Variants in SPC25 observed in about 807,000 individuals in gnomAD.
The protein encoded by SPC25 is SPC25 component of NDC80 kinetochore complex, also known as kinetochore protein Spc25.
SPC25 carries 22 observed loss-of-function variants against 29.6 expected under a neutral mutation model. The ratio of observed to expected loss-of-function variants is 0.74; its 90% CI spans 0.53 to 1.06. SPC25 has a LOEUF of 1.06. SPC25 is among the 50% of genes least tolerant of loss of function. The probability of loss-of-function intolerance (pLI) is 0.00; values close to 1 mark genes in which losing one functional copy is unlikely to be tolerated. For synonymous variants in SPC25, 91 were observed against 90.4 expected (o/e 1.01, Z -0.04); for missense variants, 230 against 255.8 (o/e 0.90, Z 0.69).
chr2:168,873,436 T>C (rs752273505), intron 6 of SPC25, 149 bp downstream of exon 6: 2 of 552,480 alleles, frequency 3.6e-6, no homozygotes, highest in Non-Finnish European at 6.5e-6. Flanking sequence ...TTCACTTCCT[T>C]TAGAAGACTA....
chr2:168,863,035 C>T (rs1689568304), intron 4 of SPC25, among the ~76,000 whole-genome samples: 1 of 151,904 alleles, frequency 6.6e-6, no homozygotes, highest in African/African-American at 2.4e-5. Flanking sequence ...AAAAGACAGA[C>T]ATACTTCCCA....
intron 1 of SPC25, among the ~76,000 whole-genome samples, chr2:168,890,049 T>C (rs1204745900): frequency 1.3e-5 from 2 of 152,146 alleles, no homozygotes; most frequent in African/African-American, 4.8e-5. Context: ...CAGTATCCTC[T>C]GTAAAAGGAG....
chr2:168,887,421 C>CAAAAAAAAAAAAAAAAAAAAAAAAAAA (rs5836211), intron 3 of SPC25, among the ~76,000 whole-genome samples: 15 of 131,410 alleles, frequency 1.1e-4, no homozygotes, highest in African/African-American at 4.3e-4. Flanking sequence ...GACTCCATCT[C>CAAAAAAAAAAAAAAAAAAAAAAAAAAA]AAAAAAAAAA....
At position 168,871,428 on chromosome 2, in the gene SPC25, A is replaced by G. The variant is rs1689981383; in HGVS notation, c.*3T>C. The G allele has an allele frequency of 6.3e-7, 1 of 1,594,972 alleles. No individual in the cohort carries two copies. Among genetic ancestry groups the G allele is most frequent in the Non-Finnish European group, 8.5e-7 (1 of 1,174,304 alleles). ...AACCGTTTTTATATACACTATTTGT[A>G]TGTTAATTATAAACCGTGGCAGTAA... On this transcript the variant is annotated 3_prime_UTR_variant, in exon 7 of 7. Coordinates refer to ENST00000282074, the MANE Select transcript of SPC25 (RefSeq NM_020675.4).
downstream of SPC25, among the ~76,000 whole-genome samples, chr2:168,866,358 C>G (rs970087091): frequency 9.2e-5 from 14 of 152,344 alleles, no homozygotes; most frequent in East Asian, 1.9e-4. Flanking sequence ...ACAAACCTGA[C>G]AAAAACAAGC....
At chr2:168,873,170 A>G (rs2105823198) in intron 6 of SPC25, among the ~76,000 whole-genome samples, 1 of 152,342 alleles carries the variant, frequency 6.6e-6, no homozygotes, top group Admixed American at 6.5e-5. Context: ...TTTTGGGAAA[A>G]TAAATTGTTA....
At chr2:168,870,506 T>C (rs1247636003), downstream of SPC25, among the ~76,000 whole-genome samples, 1 of 151,558 alleles carries the variant, frequency 6.6e-6, no homozygotes, top group Non-Finnish European at 1.5e-5. Context: ...CAAACAAATT[T>C]ACAAGAAAAA....
chr2:168,877,979 G>A (rs768051129), intron 3 of SPC25, among the ~76,000 whole-genome samples: 1 of 152,016 alleles, frequency 6.6e-6, no homozygotes, highest in Non-Finnish European at 1.5e-5. Context: ...GATTACCAGT[G>A]CAAGCCACCA....
chr2:168,867,686 C>T (rs1689892362), downstream of SPC25, among the ~76,000 whole-genome samples: 1 of 152,260 alleles, frequency 6.6e-6, no homozygotes, highest in East Asian at 1.9e-4. Context: ...GAAGAACTAA[C>T]TATCCTAAAT....
chr2:168,863,923 T>G (rs183224483), intron 4 of SPC25, among the ~76,000 whole-genome samples: 1 of 152,102 alleles, frequency 6.6e-6, no homozygotes, highest in East Asian at 1.9e-4. Flanking sequence ...TTTTATTTTT[T>G]TTTTTGAGGC....
At position 168,885,281 on chromosome 2, in the gene SPC25, C is replaced by T. The variant is rs115136805; in HGVS notation, c.199+3945G>A. 5.9e-3 allele frequency among the ~76,000 whole-genome samples: 902 copies of T among 152,324 alleles called. 11 individuals carry two copies. Among genetic ancestry groups the T allele is most frequent in the African/African-American group, 0.021 (859 of 41,556 alleles). ...ATCATCCTAGACCACAGCATACTCTCACCTTCAGGCCCACAGTCTTGAGTC... is the reference window on the plus strand; with the variant it reads ...ATCATCCTAGACCACAGCATACTCTTACCTTCAGGCCCACAGTCTTGAGTC... On this transcript the variant is annotated intron_variant, in intron 3 of 6. Transcript: ENST00000282074.
rs954915948 is a variant in SPC25, at chr2:168,889,434, A to G, written c.86T>C (p.Met29Thr). 4 of 1,614,184 alleles carry G rather than the reference A, an allele frequency of 2.5e-6. No individual in the cohort carries two copies. The highest frequency in any genetic ancestry group is 1.1e-5 in the South Asian group (1 of 91,082). Reference sequence around the variant, plus strand: ...CTTGTAGGTATCTCTTAGTCCCGCCATCTGACAGGAGGTGTCCGTACTTTT... The same window carrying G: ...CTTGTAGGTATCTCTTAGTCCCGCCGTCTGACAGGAGGTGTCCGTACTTTT... ...KFKSTDTSCQMAGLRDTYKDS... is the reference protein window; with the variant it reads ...KFKSTDTSCQTAGLRDTYKDS... Residue 29 changes from methionine to threonine, a missense_variant, in exon 2 of 7, where the codon ATG becomes ACG. Coordinates refer to ENST00000282074, the MANE Select transcript of SPC25 (RefSeq NM_020675.4).
At chr2:168,863,531 C>CAATT in intron 4 of SPC25, 2 of 985,236 alleles carry the variant, frequency 2.0e-6, no homozygotes, top group Non-Finnish European at 2.4e-6. Context: ...GTTTCTTGTC[C>CAATT]AATTCTCTAT....
chr2:168,870,275 A>T (rs1164493646), downstream of SPC25, among the ~76,000 whole-genome samples: 3 of 151,744 alleles, frequency 2.0e-5, no homozygotes, highest in Non-Finnish European at 4.4e-5. Context: ...CCTAGGCAAT[A>T]CCATTCAGGA....
rs1690084177 is a variant in SPC25, at chr2:168,876,187, A to C, written c.347-11T>G. ...TAGCAGTAGAAATAGCTGATTAAAA[A>C]ACACACACAATATTAAATGTTTTAA... On this transcript the variant is annotated splice_polypyrimidine_tract_variant and intron_variant, in intron 4 of 6. Transcript: ENST00000282074. 3 of 1,502,040 alleles carry C rather than the reference A, an allele frequency of 2.0e-6. No homozygotes were observed. Among genetic ancestry groups the C allele is most frequent in the African/African-American group, 2.9e-5 (2 of 69,342 alleles). 93.0% of individuals were successfully genotyped at this position (1,502,040 alleles called of 1,614,324 possible). A position where few individuals can be genotyped will look rare whatever the true frequency, so the allele number is the denominator to read the frequency against.
chr2:168,866,237 A>C (rs969782404), downstream of SPC25, among the ~76,000 whole-genome samples: 1 of 152,310 alleles, frequency 6.6e-6, no homozygotes, highest in South Asian at 2.1e-4. Flanking sequence ...ACAAGGCTAC[A>C]GTAACCAAAA....
chr2:168,880,116 C>T (rs1165518898), intron 3 of SPC25, among the ~76,000 whole-genome samples: 2 of 152,150 alleles, frequency 1.3e-5, no homozygotes, highest in African/African-American at 2.4e-5. Flanking sequence ...TTAAAGTCAC[C>T]AGGTGCATTA....
At chr2:168,874,868 G>A (rs957821361) in intron 5 of SPC25, among the ~76,000 whole-genome samples, 7 of 152,060 alleles carry the variant, frequency 4.6e-5, no homozygotes, top group South Asian at 4.1e-4. Context: ...TTTGCCCCAC[G>A]TGCTATTGTT....
chr2:168,889,024 CATATATATACAT>C (rs1420201080), intron 3 of SPC25, among the ~76,000 whole-genome samples, 190 bp downstream of exon 3: 6 of 51,516 alleles, frequency 1.2e-4, no homozygotes, highest in Admixed American at 1.9e-4. Context: ...TATATATACA[CATATATATACAT>C]ATATATATAC....
Sources: allele counts gnomAD v4.1 joint callset (sites outside exome capture counted in the v4.1 genomes callset), GRCh38; gene constraint gnomAD v4.1.1; transcripts MANE v1.5; gene names NCBI Gene and HGNC (gene_info 2026-07-23, HGNC 2026-07-21).